The following PDE9A variants were observed in gnomAD, a reference collection of about 807,000 sequenced individuals.
The protein encoded by PDE9A is high affinity cGMP-specific 3',5'-cyclic phosphodiesterase 9A.
In PDE9A, 60 loss-of-function variants were observed where a neutral mutation model predicts 87.4. The observed-to-expected ratio is 0.69, with a 90% confidence interval of 0.56 to 0.85. The LOEUF is 0.85. Among genes scored for constraint, PDE9A ranks in the 40% least tolerant of loss-of-function variants. The pLI is 0.00. For synonymous variants in PDE9A, 272 were observed against 279.4 expected (o/e 0.97, Z 0.27); for missense variants, 665 against 779.0 (o/e 0.85, Z 1.74).
At chr21:42,686,358 C>A in intron 2 of PDE9A, 96 bp downstream of exon 2, 1 of 939,232 alleles carries the variant, frequency 1.1e-6, no homozygotes. Flanking sequence ...CTGAAGGGCC[C>A]GAGGCACCGG....
Position 42,687,266 on chromosome 21 carries a change from G to A in PDE9A, c.141-651G>A, listed in dbSNP as rs777185036. ...AGTGCAGCAAATGGCAGTTTTAGCC[G>A]CAAAAATAGCCCATGGTCTGGGGCA... On this transcript the variant is annotated intron_variant, in intron 2 of 19. Coordinates refer to ENST00000291539, the MANE Select transcript of PDE9A (RefSeq NM_002606.3). Among the ~76,000 whole-genome samples the A allele has an allele frequency of 1.1e-4, 17 of 152,298 alleles. 1 individual carries two copies. The South Asian group carries it at 1.5e-3, about 13-fold the overall frequency.
Position 42,765,424 on chromosome 21 carries a change from C to G in PDE9A, c.1286C>G (p.Ala429Gly), listed in dbSNP as rs191942684. 1 of 1,612,524 alleles carries G rather than the reference C, an allele frequency of 6.2e-7. No individual in the cohort carries two copies. Among genetic ancestry groups the G allele is most frequent in the East Asian group, 2.2e-5 (1 of 44,878 alleles). The change falls in exon 15 of 20, where the codon GCA becomes GGA. Residue 429 changes from alanine to glycine, a missense_variant. Physicochemically the swap from Ala to Gly is moderately conservative, Grantham distance 60. Transcript: ENST00000291539. The part of the protein sequence containing the change: ...LILATDMARH[A>G]EIMDSFKEKM... ...TTGGCCACTGACATGGCAAGACATG[C>G]AGAAATTATGGATTCTTTCAAAGAG... is the stretch of plus-strand genomic sequence containing the variant.
chr21:42,762,024 C>T (rs192239799), intron 13 of PDE9A, 59 bp from the exon 14 acceptor site: 79 of 1,536,296 alleles, frequency 5.1e-5, no homozygotes, highest in Non-Finnish European at 6.6e-5. Flanking sequence ...TGTTGCTCCC[C>T]CGTGCAGGTA....
chr21:42,741,945 C>T (rs1379127506), intron 7 of PDE9A, among the ~76,000 whole-genome samples: 2 of 152,096 alleles, frequency 1.3e-5, no homozygotes, highest in East Asian at 1.9e-4. Context: ...TATCCTTTTG[C>T]ATAAAAACTA....
At chr21:42,749,389 A>G (rs1318528572) in intron 8 of PDE9A, among the ~76,000 whole-genome samples, 1 of 152,146 alleles carries the variant, frequency 6.6e-6, no homozygotes. Context: ...GTTCACACCC[A>G]TAGGGTGTGA....
chr21:42,764,038 G>A (rs1602547604), intron 14 of PDE9A, among the ~76,000 whole-genome samples: 1 of 152,360 alleles, frequency 6.6e-6, no homozygotes, highest in African/African-American at 2.4e-5. Flanking sequence ...GGTTCATTGG[G>A]ATGCTGTGGT....
chr21:42,723,841 A>G lies in PDE9A; in HGVS notation c.263-7929A>G, dbSNP rs1302153477. On this transcript the variant is annotated intron_variant, in intron 4 of 19. Coordinates refer to ENST00000291539, the MANE Select transcript of PDE9A (RefSeq NM_002606.3). This position sits in a 1 kb window ranked among gnomAD's most constrained non-coding sequence, Gnocchi z 4.3. ...CTGTCATGTCCCCCTGTGAATTACC[A>G]GCATCCCAGGCCATTGCTGGGTTTT... Among the ~76,000 whole-genome samples the G allele has an allele frequency of 2.0e-5, 3 of 152,232 alleles. No individual in the cohort carries two copies. Among genetic ancestry groups the G allele is most frequent in the African/African-American group, 7.2e-5 (3 of 41,454 alleles).
At chr21:42,680,815 C>T (rs1008031609) in intron 1 of PDE9A, among the ~76,000 whole-genome samples, 3 of 152,250 alleles carry the variant, frequency 2.0e-5, no homozygotes, top group Admixed American at 2.0e-4. Context: ...AGCGCCCTCC[C>T]CAAGAAACGG....
At position 42,702,506 on chromosome 21, in the gene PDE9A, T is replaced by G. The variant is rs2048459230; in HGVS notation, c.262+3495T>G. ...TGGGTATGGGTCATATTTTTCTGAT[T>G]CTCGTGAATCTAGTAGATCTTGATG... On this transcript the variant is annotated intron_variant, in intron 4 of 19. Transcript: ENST00000291539. The surrounding 1 kb of genome is among the most constrained non-coding windows in gnomAD (Gnocchi z 4.9). Among the ~76,000 whole-genome samples the G allele has an allele frequency of 6.6e-6, 1 of 152,186 alleles. No individual in the cohort carries two copies. Among genetic ancestry groups the G allele is most frequent in the African/African-American group, 2.4e-5 (1 of 41,444 alleles).
chr21:42,667,321 C>T (rs562707576), intron 1 of PDE9A, among the ~76,000 whole-genome samples: 2 of 152,264 alleles, frequency 1.3e-5, no homozygotes, highest in African/African-American at 4.8e-5. Context: ...GAGACATACC[C>T]CAGCAAGTAC....
chr21:42,735,593 G>T (rs1049759064), intron 7 of PDE9A, among the ~76,000 whole-genome samples: 1 of 152,136 alleles, frequency 6.6e-6, no homozygotes, highest in African/African-American at 2.4e-5. Context: ...AGCTTGGAAG[G>T]CTACATTGCT....
intron 14 of PDE9A, 118 bp downstream of exon 14, chr21:42,762,357 C>G: frequency 9.9e-7 from 1 of 1,014,356 alleles, no homozygotes; most frequent in South Asian, 1.6e-5. Context: ...GCCCTGGGGA[C>G]CCAAGGGAAC....
chr21:42,726,624 A>ATATATATATTTTTTTTTTTTTTTTT, intron 4 of PDE9A, among the ~76,000 whole-genome samples: 1 of 19,774 alleles, frequency 5.1e-5, no homozygotes, highest in African/African-American at 3.4e-4. Context: ...ATATATATAT[A>ATATATATATTTTTTTTTTTTTTTTT]TTTTTTTTTT....
intron 19 of PDE9A, among the ~76,000 whole-genome samples, chr21:42,774,938 C>CT (rs370129435): frequency 0.014 from 2,036 of 146,042 alleles, 59 homozygotes; most frequent in African/African-American, 0.048. Context: ...ACTGCTGGCA[C>CT]TTTTTTTTTT....
chr21:42,740,120 G>C (rs2052959340), intron 7 of PDE9A, among the ~76,000 whole-genome samples: 1 of 152,134 alleles, frequency 6.6e-6, no homozygotes, highest in Non-Finnish European at 1.5e-5. Context: ...TACATAGATA[G>C]ATACTATATA....
In PDE9A at chr21:42,739,393, G is replaced by A. The variant is rs111251787; in HGVS notation, c.569-4383G>A. Among the ~76,000 whole-genome samples, 10 of 152,258 alleles carry A rather than the reference G, an allele frequency of 6.6e-5. No homozygotes were observed. The highest frequency in any genetic ancestry group is 1.3e-4 in the Admixed American group (2 of 15,298). On this transcript the variant is annotated intron_variant, in intron 7 of 19. Transcript: ENST00000291539. This position sits in a 1 kb window ranked among gnomAD's most constrained non-coding sequence, Gnocchi z 4.1. ...CTGTGGAATCTTCCCCAAAGCAGCC[G>A]GGTGTCCTGGAAAGGCCAGGGAGTG...
At chr21:42,661,234 T>G (rs2057457907) in intron 1 of PDE9A, among the ~76,000 whole-genome samples, 1 of 152,030 alleles carries the variant, frequency 6.6e-6, no homozygotes, top group Non-Finnish European at 1.5e-5. Flanking sequence ...TTTCAGCACC[T>G]TGACCAGGCT....
intron 4 of PDE9A, among the ~76,000 whole-genome samples, chr21:42,726,948 CG>C (rs1273711543): frequency 6.6e-6 from 1 of 151,192 alleles, no homozygotes; most frequent in Non-Finnish European, 1.5e-5. Flanking sequence ...TCTTGATTAC[CG>C]AAATTATGTC....
At chr21:42,753,952 A>G (rs753805776) in intron 9 of PDE9A, 38 bp from the exon 10 acceptor site, 1 of 1,214,170 alleles carries the variant, frequency 8.2e-7, no homozygotes, top group Non-Finnish European at 1.2e-6. Context: ...TCACAGGCCC[A>G]CGGCGCCTGG....
Sources: gnomAD v4.1 joint callset for allele counts (sites outside exome capture counted in the v4.1 genomes callset) on GRCh38, gnomAD v4.1.1 for gene constraint, Gnocchi (gnomAD v3.1) non-coding constraint, MANE v1.5 for transcripts, NCBI Gene and HGNC (gene_info 2026-07-23, HGNC 2026-07-21) for gene names.